Variants in LGR5 observed in about 807,000 individuals in gnomAD.
LGR5 encodes the protein leucine-rich repeat-containing G protein-coupled receptor 5.
In LGR5, 54 loss-of-function variants were observed where a neutral mutation model predicts 76.7. The ratio of observed to expected loss-of-function variants is 0.70; its 90% CI spans 0.57 to 0.88. The LOEUF is 0.88. Ranked by LOEUF, LGR5 falls within the 40% of genes least tolerant of loss-of-function variation. LGR5 has a pLI of 0.00. For missense variants in LGR5, 1,078 were observed against 1,073.3 expected (o/e 1.00, Z -0.06); for synonymous variants, 406 against 421.9 (o/e 0.96, Z 0.46).
At position 71,491,073 on chromosome 12, in the gene LGR5, A is replaced by G. The variant is rs1398357103; in HGVS notation, c.213-13541A>G. Reference sequence around the variant, plus strand: ...TTTATAAAGGGCAGTTCCCCTGCACATGCTCTCTTGCCTGCCACCATGTAA... The same window carrying G: ...TTTATAAAGGGCAGTTCCCCTGCACGTGCTCTCTTGCCTGCCACCATGTAA... On this transcript the variant is annotated intron_variant, in intron 1 of 17. Coordinates refer to ENST00000266674, the MANE Select transcript of LGR5 (RefSeq NM_003667.4). Among the ~76,000 whole-genome samples, 7 of 152,294 alleles carry G rather than the reference A, an allele frequency of 4.6e-5. No individual in the cohort carries two copies. The East Asian group carries it at 1.4e-3, about 29-fold the overall frequency.
rs771086867 is a variant in LGR5, at chr12:71,580,309, T to G, written c.1438T>G (p.Cys480Gly). ...AGAAATGCCTTATGCTTACCAGTGC[T>G]GTGCATTTGGAGTGTGTGAGAATGC... ...VIEMPYAYQC[C>G]AFGVCENAYK... is the part of the protein sequence containing the mutation. The change falls in exon 16 of 18, where the codon TGT becomes GGT. Residue 480 changes from cysteine to glycine, a missense_variant. Physicochemically the swap from Cys to Gly is radical, Grantham distance 159. Transcript: ENST00000266674. The G allele has an allele frequency of 1.0e-4, 161 of 1,613,582 alleles. No homozygotes were observed. Among genetic ancestry groups the G allele is most frequent in the Non-Finnish European group, 1.3e-4 (159 of 1,179,766 alleles).
intron 1 of LGR5, among the ~76,000 whole-genome samples, chr12:71,464,804 T>C (rs976209583): frequency 1.3e-5 from 2 of 152,184 alleles, no homozygotes; most frequent in Admixed American, 1.3e-4. Flanking sequence ...GAGATTTTTA[T>C]GTTCAGAAAA....
At chr12:71,482,306 A>G (rs1391096884) in intron 1 of LGR5, among the ~76,000 whole-genome samples, 1 of 152,092 alleles carries the variant, frequency 6.6e-6, no homozygotes, top group African/African-American at 2.4e-5. Flanking sequence ...AAATTTATTT[A>G]TTTTGTCACA....
chr12:71,552,438 G>C (rs1222679382), intron 4 of LGR5, among the ~76,000 whole-genome samples: 2 of 151,798 alleles, frequency 1.3e-5, no homozygotes, highest in African/African-American at 2.4e-5. Flanking sequence ...GGTGGCAGAC[G>C]CCTGTAATCC....
At chr12:71,510,368 T>G (rs1483393045) in intron 2 of LGR5, among the ~76,000 whole-genome samples, 2 of 152,162 alleles carry the variant, frequency 1.3e-5, no homozygotes, top group African/African-American at 4.8e-5. Context: ...ATGTTTGTGG[T>G]GTATATCTTT....
In LGR5 at chr12:71,566,642, G is replaced by C. The variant is rs1398772201; in HGVS notation, c.940G>C (p.Gly314Arg). ...LPELRTLTLN[G>R]ASQITEFPDL... ...TACTCCTCTTTCTAGGACTCTGAAT[G>C]GTGCCTCACAAATAACTGAATTTCC... The change falls in exon 10 of 18, where the codon GGT (glycine) becomes CGT (arginine). Residue 314 changes from glycine (G) to arginine (R), a missense_variant. Coordinates refer to ENST00000266674, the MANE Select transcript of LGR5 (RefSeq NM_003667.4). 2 of 1,612,354 alleles carry C rather than the reference G, an allele frequency of 1.2e-6. No homozygotes were observed. Among genetic ancestry groups the C allele is most frequent in the African/African-American group, 2.7e-5 (2 of 74,884 alleles).
intron 6 of LGR5, among the ~76,000 whole-genome samples, chr12:71,557,506 T>G (rs1877829617): frequency 6.6e-6 from 1 of 152,196 alleles, no homozygotes. Flanking sequence ...CTAGTCTGAT[T>G]CTGAAATCCA....
rs549865575 is a variant in LGR5 at position 71,497,860 on chromosome 12, T to A, written c.213-6754T>A. Among the ~76,000 whole-genome samples, 6 of 152,320 alleles carry A rather than the reference T, an allele frequency of 3.9e-5. No individual in the cohort carries two copies. The East Asian group carries it at 9.6e-4, about 24-fold the overall frequency. On this transcript the variant is annotated intron_variant, in intron 1 of 17. Transcript: ENST00000266674. Reference sequence around the variant, plus strand: ...AATTTTTTTTGTTTCCTTAATTTTTTAAAATAGTAACACTGTAAAAAGGAC... The same window carrying A: ...AATTTTTTTTGTTTCCTTAATTTTTAAAAATAGTAACACTGTAAAAAGGAC...
chr12:71,487,002 A>G (rs1324162117), intron 1 of LGR5, among the ~76,000 whole-genome samples: 2 of 152,168 alleles, frequency 1.3e-5, no homozygotes, highest in African/African-American at 4.8e-5. Context: ...CGGGTAAGAG[A>G]TAGCCCAAAC....
chr12:71,560,038 A>T lies in LGR5; in HGVS notation c.785+384A>T, dbSNP rs191692977. 3.2e-3 allele frequency among the ~76,000 whole-genome samples: 483 copies of T among 152,292 alleles called. 4 individuals are homozygous for T. Among genetic ancestry groups the T allele is most frequent in the Middle Eastern group, 0.01 (3 of 294 alleles). On this transcript the variant is annotated intron_variant, in intron 7 of 17. Transcript: ENST00000266674. Reference sequence around the variant, plus strand: ...GAACTTGAACATTTCTGGGTTGCATAAGTCTAGAAATAAATGAATCAAACT... The same window carrying T: ...GAACTTGAACATTTCTGGGTTGCATTAGTCTAGAAATAAATGAATCAAACT...
chr12:71,536,302 G>T (rs1482439600), intron 4 of LGR5, among the ~76,000 whole-genome samples: 1 of 152,200 alleles, frequency 6.6e-6, no homozygotes, highest in East Asian at 1.9e-4. Context: ...AGGACTGTGA[G>T]ATTTGAAGAT....
intron 1 of LGR5, among the ~76,000 whole-genome samples, chr12:71,482,985 G>T (rs1475853578): frequency 6.6e-6 from 1 of 152,018 alleles, no homozygotes; most frequent in East Asian, 1.9e-4. Flanking sequence ...TGTAAATTGG[G>T]TTCTGACATT....
chr12:71,546,994 C>G (rs1007391184), intron 4 of LGR5, among the ~76,000 whole-genome samples: 1 of 152,274 alleles, frequency 6.6e-6, no homozygotes, highest in East Asian at 1.9e-4. Context: ...GTCCCCTTGG[C>G]CAAGCAGCTT....
intron 1 of LGR5, among the ~76,000 whole-genome samples, chr12:71,489,997 G>GTGGCA (rs1400506829): frequency 6.6e-6 from 1 of 152,136 alleles, no homozygotes; most frequent in Non-Finnish European, 1.5e-5. Context: ...TATAGGAATG[G>GTGGCA]TGGCACATGC....
chr12:71,447,887 G>A (rs1362400168), intron 1 of LGR5, among the ~76,000 whole-genome samples: 1 of 152,162 alleles, frequency 6.6e-6, no homozygotes, highest in Non-Finnish European at 1.5e-5. Flanking sequence ...AGCTGAGAAC[G>A]CGTGCATGGA....
At chr12:71,491,982 G>A (rs925475506) in intron 1 of LGR5, among the ~76,000 whole-genome samples, 2 of 151,882 alleles carry the variant, frequency 1.3e-5, no homozygotes, top group Non-Finnish European at 2.9e-5. Flanking sequence ...ACAAATATTT[G>A]TTTTATTAAC....
At chr12:71,509,560 T>C (rs981616341) in intron 2 of LGR5, among the ~76,000 whole-genome samples, 1 of 152,186 alleles carries the variant, frequency 6.6e-6, no homozygotes, top group African/African-American at 2.4e-5. Context: ...GCTTGCTATG[T>C]AGACAAATAA....
At chr12:71,560,120 C>A (rs1877982122) in intron 7 of LGR5, among the ~76,000 whole-genome samples, 1 of 152,176 alleles carries the variant, frequency 6.6e-6, no homozygotes, top group Admixed American at 6.5e-5. Flanking sequence ...GACCCTTGAA[C>A]AACTAGGGGT....
chr12:71,558,195 A>G (rs12422259), intron 6 of LGR5, among the ~76,000 whole-genome samples: 51,301 of 152,036 alleles, frequency 0.34, 9,732 homozygotes, highest in East Asian at 0.58. Context: ...TATCTACAAA[A>G]CGCTGGGCTC....
Sources: allele counts gnomAD v4.1 joint callset (sites outside exome capture counted in the v4.1 genomes callset), GRCh38; gene constraint gnomAD v4.1.1; transcripts MANE v1.5; gene names NCBI Gene and HGNC (gene_info 2026-07-23, HGNC 2026-07-21).